Variants in GALNT9 observed in about 807,000 individuals in gnomAD.
GALNT9 encodes the protein GalNAc transferase 9.
Under a neutral mutation model 63.1 loss-of-function variants are expected in GALNT9, and 47 were observed. The ratio of observed to expected loss-of-function variants is 0.75; its 90% CI spans 0.59 to 0.95. The LOEUF is 0.95. Among genes scored for constraint, GALNT9 ranks in the 40% least tolerant of loss-of-function variants. The pLI, the probability that GALNT9 is intolerant of heterozygous loss-of-function variation, is 0.00. For synonymous variants in GALNT9, 396 were observed against 365.7 expected (o/e 1.08, Z -0.94); for missense variants, 829 against 874.8 (o/e 0.95, Z 0.66).
intron 3 of GALNT9, 26 bp downstream of exon 3, chr12:132,262,433 A>T (rs1555239859): frequency 6.5e-7 from 1 of 1,539,536 alleles, no homozygotes; most frequent in South Asian, 1.2e-5. Flanking sequence ...CCCGGCGAGC[A>T]CCGTGCCGAG....
chr12:132,325,287 C>G (rs1170363915), intron 1 of GALNT9, among the ~76,000 whole-genome samples: 1 of 152,242 alleles, frequency 6.6e-6, no homozygotes, highest in Non-Finnish European at 1.5e-5. Flanking sequence ...AACCCTCTCG[C>G]TTGCTCACTG....
At chr12:132,224,579 C>CTGTAATGT (rs1877567429) in intron 6 of GALNT9, among the ~76,000 whole-genome samples, 1 of 116,772 alleles carries the variant, frequency 8.6e-6, no homozygotes, top group South Asian at 2.9e-4. Flanking sequence ...ACCCCACACA[C>CTGTAATGT]ACACACCACA....
rs1881401852 is a variant in GALNT9, at chr12:132,303,459, GCCCGGACACAC to G, written c.239-17040_239-17030del. Among the ~76,000 whole-genome samples the G allele has an allele frequency of 2.9e-4, 12 of 41,224 alleles. 1 individual carries two copies. The highest frequency in any genetic ancestry group is 0.025 in the Middle Eastern group (1 of 40). The allele number at this position is 41,224 out of a possible 152,430, so 27.0% of individuals were successfully genotyped here. A position where few individuals can be genotyped will look rare whatever the true frequency, so the allele number is the denominator to read the frequency against. On this transcript the variant is annotated intron_variant, in intron 1 of 10. Coordinates refer to ENST00000328957, the MANE Select transcript of GALNT9 (RefSeq NM_001122636.2). ...CACACCCTCGCCCGGGCACACCCTCGCCCGGACACACCCTCACCCGGGCACAGAATCGCCCA... is the reference window on the plus strand; with the variant it reads ...CACACCCTCGCCCGGGCACACCCTCGCCTCACCCGGGCACAGAATCGCCCA...
At position 132,286,302 on chromosome 12, in the gene GALNT9, G is replaced by C. The variant is rs1880587898; in HGVS notation, c.367C>G (p.Leu123Val). Reference protein sequence around the residue: ...KYEEYGYNAQLSDRISLDRSI... With the variant: ...KYEEYGYNAQVSDRISLDRSI... ...CGATCGAGGGAGATGCGGTCGCTGA[G>C]CTGAGCGTTGTAGCCGTACTCCTCA... The change falls in exon 2 of 11, where the codon CTC becomes GTC. Residue 123 changes from leucine (L) to valine (V), a missense_variant. Physicochemically the swap from Leu to Val is conservative, Grantham distance 32 (BLOSUM62 1). Coordinates refer to ENST00000328957, the MANE Select transcript of GALNT9 (RefSeq NM_001122636.2). This position sits in a 1 kb window ranked among gnomAD's most constrained non-coding sequence, Gnocchi z 7.4. The C allele has an allele frequency of 2.6e-6, 4 of 1,551,252 alleles. No homozygotes were observed. In the South Asian group the frequency reaches 4.8e-5, roughly 18 times the overall value.
At chr12:132,285,551 C>T (rs1333744643) in intron 2 of GALNT9, among the ~76,000 whole-genome samples, 2 of 152,242 alleles carry the variant, frequency 1.3e-5, no homozygotes, top group Non-Finnish European at 2.9e-5. Context: ...GCTCTTGCAG[C>T]CTGGGGGCGA....
Position 132,282,990 on chromosome 12 carries a change from A to C in GALNT9, c.419+3260T>G, listed in dbSNP as rs1880421453. ...TCGCCCCACCCTGCACTGGCTCAGC[A>C]GCCGGGTCCAGACTCCCAGGCCTCT... On this transcript the variant is annotated intron_variant, in intron 2 of 10. Coordinates refer to ENST00000328957, the MANE Select transcript of GALNT9 (RefSeq NM_001122636.2). This position sits in a 1 kb window ranked among gnomAD's most constrained non-coding sequence, Gnocchi z 4.5. 1 of 152,260 alleles carries C rather than the reference A, an allele frequency of 6.6e-6. No homozygotes were observed. The highest frequency in any genetic ancestry group is 1.5e-5 in the Non-Finnish European group (1 of 68,120). 9.4% of individuals were successfully genotyped at this position (152,260 alleles called of 1,614,324 possible). A position where few individuals can be genotyped will look rare whatever the true frequency, so the allele number is the denominator to read the frequency against.
chr12:132,292,054 G>A (rs1173434985), intron 1 of GALNT9, among the ~76,000 whole-genome samples: 1 of 152,118 alleles, frequency 6.6e-6, no homozygotes, highest in Non-Finnish European at 1.5e-5. Flanking sequence ...CTCAGCTCTG[G>A]GTTGCACCCT....
At chr12:132,216,786 G>A (rs754195193) in intron 6 of GALNT9, among the ~76,000 whole-genome samples, 15 of 152,234 alleles carry the variant, frequency 9.9e-5, no homozygotes, top group Non-Finnish European at 1.8e-4. Context: ...ACTTGGCACC[G>A]TTCTGAGCTC....
chr12:132,263,493 CT>C (rs1879482581), intron 2 of GALNT9, among the ~76,000 whole-genome samples: 1 of 152,022 alleles, frequency 6.6e-6, no homozygotes, highest in African/African-American at 2.4e-5. Flanking sequence ...GGCAGAGGCA[CT>C]CCCAGAGCCC....
chr12:132,313,126 C>A (rs554098529), intron 1 of GALNT9, among the ~76,000 whole-genome samples: 5 of 150,332 alleles, frequency 3.3e-5, no homozygotes, highest in Admixed American at 3.3e-4. Context: ...TCCACCCACC[C>A]ATTCATCTCT....
chr12:132,204,993 C>T (rs371677201), intron 6 of GALNT9, among the ~76,000 whole-genome samples: 11 of 152,200 alleles, frequency 7.2e-5, no homozygotes, highest in South Asian at 2.1e-4. Context: ...CCGTTCCCTC[C>T]GCGGTGCTGA....
Position 132,260,948 on chromosome 12 carries a change from C to A in GALNT9, c.761G>T (p.Trp254Leu). 1 of 1,537,738 alleles carries A rather than the reference C, an allele frequency of 6.5e-7. No individual in the cohort carries two copies. Among genetic ancestry groups the A allele is most frequent in the South Asian group, 1.2e-5 (1 of 82,684 alleles). The change falls in exon 4 of 11, where the codon TGG (tryptophan) becomes TTG (leucine). Residue 254 changes from tryptophan (W) to leucine (L), a missense_variant and splice_region_variant. By Grantham distance (61) the Trp-to-Leu change is moderately conservative. Transcript: ENST00000328957. Reference protein sequence around the residue: ...FDAHVEFNTGWAEPALSRIRE... With the variant: ...FDAHVEFNTGLAEPALSRIRE... The stretch of plus-strand genomic sequence containing the variant: ...CTGTCCAGCCTGTTCCGGCCCTTAC[C>A]AGCCCGTGTTGAACTCGACGTGGGC...
intron 2 of GALNT9, among the ~76,000 whole-genome samples, chr12:132,267,238 C>G (rs1244959070): frequency 6.6e-6 from 1 of 151,994 alleles, no homozygotes; most frequent in African/African-American, 2.4e-5. Context: ...GGGAAGGAGG[C>G]AGGCAGGGCC....
Position 132,279,023 on chromosome 12 carries a change from CCA to C in GALNT9, c.419+7225_419+7226del, listed in dbSNP as rs1880225782. 1 of 152,280 alleles carries C rather than the reference CCA, an allele frequency of 6.6e-6. No individual in the cohort carries two copies. The highest frequency in any genetic ancestry group is 2.4e-5 in the African/African-American group (1 of 41,436). The allele number at this position is 152,280 out of a possible 1,614,324, so 9.4% of individuals were successfully genotyped here. A position where few individuals can be genotyped will look rare whatever the true frequency, so the allele number is the denominator to read the frequency against. On this transcript the variant is annotated intron_variant, in intron 2 of 10. Coordinates refer to ENST00000328957, the MANE Select transcript of GALNT9 (RefSeq NM_001122636.2). The surrounding 1 kb of genome is among the most constrained non-coding windows in gnomAD (Gnocchi z 4.1). ...AACAGGACTCAGCCTCCAGTGGCTA[CCA>C]TCAGACCCCACGGCATGGTGACTGT...
intron 6 of GALNT9, among the ~76,000 whole-genome samples, chr12:132,230,256 G>A (rs1319093977): frequency 6.6e-6 from 1 of 152,184 alleles, no homozygotes; most frequent in Non-Finnish European, 1.5e-5. Context: ...TCCTGCCTGT[G>A]AGCCTTGTGA....
In GALNT9 at chr12:132,238,112, G is replaced by A. The variant is rs1480710021; in HGVS notation, c.1077+9798C>T. Among the ~76,000 whole-genome samples the A allele has an allele frequency of 6.6e-6, 1 of 152,182 alleles. No individual in the cohort carries two copies. The highest frequency in any genetic ancestry group is 6.5e-5 in the Admixed American group (1 of 15,282). ...CCGTCCGCCACGAATTCCACAGCTCGGTGGCTTGAAGGACATAGTCATGAC... is the reference window on the plus strand; with the variant it reads ...CCGTCCGCCACGAATTCCACAGCTCAGTGGCTTGAAGGACATAGTCATGAC... On this transcript the variant is annotated intron_variant, in intron 6 of 10. Coordinates refer to ENST00000328957, the MANE Select transcript of GALNT9 (RefSeq NM_001122636.2). The surrounding 1 kb of genome is among the most constrained non-coding windows in gnomAD (Gnocchi z 6.5).
At chr12:132,250,960 G>C (rs1411182792) in intron 5 of GALNT9, among the ~76,000 whole-genome samples, 1 of 152,196 alleles carries the variant, frequency 6.6e-6, no homozygotes, top group East Asian at 1.9e-4. Flanking sequence ...CCGTGAACCT[G>C]GGATAGGTAC....
chr12:132,312,126 A>G (rs1417237111), intron 1 of GALNT9, among the ~76,000 whole-genome samples: 1 of 152,266 alleles, frequency 6.6e-6, no homozygotes, highest in African/African-American at 2.4e-5. Context: ...TAGTGAAAAG[A>G]CTGACTGCCC....
At chr12:132,299,751 A>T (rs1263339270) in intron 1 of GALNT9, among the ~76,000 whole-genome samples, 3 of 133,370 alleles carry the variant, frequency 2.2e-5, no homozygotes, top group Non-Finnish European at 4.8e-5. Context: ...CACTCCCACC[A>T]CACCTAACCC....
Sources: allele counts gnomAD v4.1 joint callset (sites outside exome capture counted in the v4.1 genomes callset), GRCh38; gene constraint gnomAD v4.1.1; non-coding constraint Gnocchi (gnomAD v3.1); transcripts MANE v1.5; gene names NCBI Gene and HGNC (gene_info 2026-07-23, HGNC 2026-07-21).